The following FAM13A variants were observed in gnomAD, a reference collection of about 807,000 sequenced individuals.
The protein encoded by FAM13A is family with sequence similarity 13 member A, also known as protein FAM13A.
Under a neutral mutation model 129.6 loss-of-function variants are expected in FAM13A, and 76 were observed. The ratio of observed to expected loss-of-function variants is 0.59; its 90% CI spans 0.49 to 0.71. The LOEUF (loss-of-function observed/expected upper bound fraction) is 0.71. Among genes scored for constraint, FAM13A ranks in the 30% least tolerant of loss-of-function variants. The pLI, the probability that FAM13A is intolerant of heterozygous loss-of-function variation, is 0.00. For missense variants in FAM13A, 1,108 were observed against 1,249.3 expected (o/e 0.89, Z 1.70); for synonymous variants, 443 against 449.9 (o/e 0.98, Z 0.20).
intron 2 of FAM13A, among the ~76,000 whole-genome samples, chr4:89,021,242 G>A (rs1161932184): frequency 6.6e-6 from 1 of 152,194 alleles, no homozygotes; most frequent in Non-Finnish European, 1.5e-5. Flanking sequence ...TATCAGAGAA[G>A]GCCTCCTGGA....
intron 1 of FAM13A, among the ~76,000 whole-genome samples, chr4:89,052,071 T>G (rs1441659754): frequency 6.6e-6 from 1 of 152,092 alleles, no homozygotes; most frequent in Non-Finnish European, 1.5e-5. Context: ...CTATGTCTCA[T>G]GCACTCTGGG....
intron 4 of FAM13A, among the ~76,000 whole-genome samples, chr4:88,973,269 G>A (rs1183823190): frequency 6.6e-6 from 1 of 151,130 alleles, no homozygotes; most frequent in Non-Finnish European, 1.5e-5. Flanking sequence ...TTCTACTTCT[G>A]GGATTCTAAT....
intron 1 of FAM13A, among the ~76,000 whole-genome samples, chr4:89,047,590 T>C (rs1477088361): frequency 6.6e-6 from 1 of 152,136 alleles, no homozygotes; most frequent in Non-Finnish European, 1.5e-5. Context: ...GGAGATGAAG[T>C]GTACTTAAGA....
intron 20 of FAM13A, 151 bp from the exon 21 acceptor site, chr4:88,737,706 A>G: frequency 1.5e-6 from 1 of 682,682 alleles, no homozygotes; most frequent in African/African-American, 1.8e-5. Flanking sequence ...AACCTGAAAC[A>G]ACAAAAGTTC....
At chr4:88,920,430 C>T (rs1349232321) in intron 5 of FAM13A, among the ~76,000 whole-genome samples, 1 of 152,192 alleles carries the variant, frequency 6.6e-6, no homozygotes, top group Non-Finnish European at 1.5e-5. Context: ...TGCTGATACC[C>T]AGGCAAACAG....
intron 1 of FAM13A, among the ~76,000 whole-genome samples, chr4:89,048,495 G>T (rs1434168883): frequency 6.6e-6 from 1 of 152,034 alleles, no homozygotes; most frequent in African/African-American, 2.4e-5. Context: ...TTCTAGAAAT[G>T]GATTTTGGTG....
At chr4:89,002,343 G>T (rs578039149) in intron 3 of FAM13A, among the ~76,000 whole-genome samples, 1 of 152,188 alleles carries the variant, frequency 6.6e-6, no homozygotes, top group Non-Finnish European at 1.5e-5. Context: ...TCAGACAGGA[G>T]TGCTGAGGCT....
At chr4:88,952,195 T>C (rs1415994707) in intron 4 of FAM13A, among the ~76,000 whole-genome samples, 1 of 151,766 alleles carries the variant, frequency 6.6e-6, no homozygotes, top group Non-Finnish European at 1.5e-5. Context: ...TAAACAGCCG[T>C]TGAGATGGAA....
intron 4 of FAM13A, among the ~76,000 whole-genome samples, chr4:88,942,462 G>T (rs1016073802): frequency 6.6e-6 from 1 of 152,030 alleles, no homozygotes; most frequent in Non-Finnish European, 1.5e-5. Flanking sequence ...AGCTACTTGG[G>T]AGGCTGAGGG....
At chr4:88,993,982 C>T (rs1763233905) in intron 3 of FAM13A, among the ~76,000 whole-genome samples, 1 of 150,658 alleles carries the variant, frequency 6.6e-6, no homozygotes, top group Non-Finnish European at 1.5e-5. Flanking sequence ...CAGAGCAAGA[C>T]CCTGCCTCAA....
intron 4 of FAM13A, among the ~76,000 whole-genome samples, chr4:88,952,884 G>A (rs1757161053): frequency 6.6e-6 from 1 of 152,158 alleles, no homozygotes; most frequent in Admixed American, 6.5e-5. Flanking sequence ...GGAGGCAGAG[G>A]TTGCAGTGAG....
At chr4:88,828,847 T>C (rs1733449708) in intron 7 of FAM13A, among the ~76,000 whole-genome samples, 1 of 152,226 alleles carries the variant, frequency 6.6e-6, no homozygotes, top group Non-Finnish European at 1.5e-5. Context: ...TATATATTGA[T>C]GTGCAATCAC....
intron 7 of FAM13A, among the ~76,000 whole-genome samples, chr4:88,815,355 C>T (rs1168886729): frequency 3.3e-5 from 5 of 152,096 alleles, no homozygotes; most frequent in Non-Finnish European, 7.4e-5. Flanking sequence ...ATTAACATGT[C>T]TTTTCTCATG....
chr4:88,735,698 T>A (rs750848300), intron 21 of FAM13A, among the ~76,000 whole-genome samples: 8 of 152,220 alleles, frequency 5.3e-5, no homozygotes, highest in South Asian at 2.1e-4. Flanking sequence ...TGCCAAGAAT[T>A]AGTACAGTCC....
intron 8 of FAM13A, among the ~76,000 whole-genome samples, chr4:88,804,517 T>C (rs1728170909): frequency 6.6e-6 from 1 of 152,162 alleles, no homozygotes; most frequent in Admixed American, 6.5e-5. Flanking sequence ...TTAATTTACC[T>C]GCTTTAACAT....
chr4:88,818,530 C>T (rs1223965897), intron 7 of FAM13A, among the ~76,000 whole-genome samples: 1 of 152,156 alleles, frequency 6.6e-6, no homozygotes, highest in East Asian at 1.9e-4. Context: ...TTGAAAATAT[C>T]CTCACCTTAG....
intron 7 of FAM13A, chr4:88,823,009 G>A (rs767211659): frequency 6.2e-6 from 10 of 1,613,456 alleles, no homozygotes; most frequent in Non-Finnish European, 8.5e-6. Flanking sequence ...AGCCATTCTC[G>A]TATGTAAATT....
At chr4:89,039,477 C>A (rs1769818722) in intron 1 of FAM13A, among the ~76,000 whole-genome samples, 1 of 152,054 alleles carries the variant, frequency 6.6e-6, no homozygotes, top group African/African-American at 2.4e-5. Flanking sequence ...ATGTGCCACA[C>A]CAATGCAAGA....
Position 89,023,107 on chromosome 4 carries a change from C to T in FAM13A, c.218-2438G>A, listed in dbSNP as rs541473926. On this transcript the variant is annotated intron_variant, in intron 2 of 23. Coordinates refer to ENST00000264344, the MANE Select transcript of FAM13A (RefSeq NM_014883.4). ...TTATGTTTTGGGGTAATTTGTTATG[C>T]AGCAAATGGGTAACGAATACGATAC... 3.3e-5 allele frequency among the ~76,000 whole-genome samples: 5 copies of T among 152,248 alleles called. No individual in the cohort carries two copies. The South Asian group carries it at 1.0e-3, about 32-fold the overall frequency.
Sources: allele counts gnomAD v4.1 joint callset (sites outside exome capture counted in the v4.1 genomes callset), GRCh38; gene constraint gnomAD v4.1.1; transcripts MANE v1.5; gene names NCBI Gene and HGNC (gene_info 2026-07-23, HGNC 2026-07-21).